The following POLN variants were observed in gnomAD, a reference collection of about 807,000 sequenced individuals.
POLN encodes the protein DNA polymerase nu.
POLN carries 108 observed loss-of-function variants against 113.5 expected under a neutral mutation model. The ratio of observed to expected loss-of-function variants is 0.95; its 90% CI spans 0.81 to 1.12. POLN has a LOEUF of 1.12. POLN is among the 50% of genes most tolerant of loss of function. The pLI, the probability that POLN is intolerant of heterozygous loss-of-function variation, is 0.00. For missense variants in POLN, 1,097 were observed against 1,077.1 expected, an observed-to-expected ratio of 1.02 and a Z score of -0.26; for synonymous variants, 386 against 391.5, an observed-to-expected ratio of 0.99 and a Z score of 0.17.
intron 19 of POLN, among the ~76,000 whole-genome samples, chr4:2,114,464 T>C (rs967082489): frequency 2.0e-5 from 3 of 152,218 alleles, no homozygotes; most frequent in Non-Finnish European, 2.9e-5. Flanking sequence ...TCTGAAAATG[T>C]ATCTTTTGCA....
At chr4:2,191,678 T>C (rs1733444359) in intron 7 of POLN, among the ~76,000 whole-genome samples, 1 of 152,182 alleles carries the variant, frequency 6.6e-6, no homozygotes, top group Admixed American at 6.5e-5. Context: ...TTGGTTATTT[T>C]GCTTGGGGGT....
At chr4:2,241,156 CACAG>C in intron 2 of POLN, 2 of 482,050 alleles carry the variant, frequency 4.1e-6, no homozygotes, top group Non-Finnish European at 7.2e-6. Context: ...AAAAAGAAGA[CACAG>C]ACAAATATCA....
chr4:2,238,658 G>C lies in POLN; in HGVS notation c.-13+2862C>G, dbSNP rs749753405. The C allele has an allele frequency of 1.3e-5, 21 of 1,612,408 alleles. No individual in the cohort carries two copies. The Admixed American group carries it at 2.7e-4, about 20-fold the overall frequency. ...GGTATTCCTTGGATTTATCTGTTGAGAAACTGATGGATCTGTTAACATTTC... is the reference window on the plus strand; with the variant it reads ...GGTATTCCTTGGATTTATCTGTTGACAAACTGATGGATCTGTTAACATTTC... On this transcript the variant is annotated intron_variant, in intron 2 of 25. Transcript: ENST00000511885.
At chr4:2,189,358 G>T (rs940021651) in intron 7 of POLN, among the ~76,000 whole-genome samples, 1 of 152,212 alleles carries the variant, frequency 6.6e-6, no homozygotes, top group Non-Finnish European at 1.5e-5. Flanking sequence ...CAATGTTACC[G>T]GCCAGGCACA....
chr4:2,200,319 A>G (rs1043949353), intron 5 of POLN, among the ~76,000 whole-genome samples: 39 of 152,216 alleles, frequency 2.6e-4, no homozygotes, highest in African/African-American at 9.4e-4. Flanking sequence ...GGCAGATGGG[A>G]GGCAGGACTA....
chr4:2,115,990 G>T (rs1260384413), intron 19 of POLN, among the ~76,000 whole-genome samples: 3 of 152,162 alleles, frequency 2.0e-5, no homozygotes, highest in African/African-American at 7.2e-5. Flanking sequence ...GGTTCACTTT[G>T]CCCTCTAGTC....
At chr4:2,195,788 T>C (rs551854369) in intron 6 of POLN, among the ~76,000 whole-genome samples, 1 of 152,130 alleles carries the variant, frequency 6.6e-6, no homozygotes, top group South Asian at 2.1e-4. Flanking sequence ...ACATGAAGGA[T>C]AAGGTAAACA....
chr4:2,163,204 T>C (rs1010541546), intron 13 of POLN, among the ~76,000 whole-genome samples: 2 of 152,150 alleles, frequency 1.3e-5, no homozygotes, highest in East Asian at 3.9e-4. Flanking sequence ...CATAAAACAT[T>C]AACAGTGGGC....
At chr4:2,173,510 CG>C (rs199514694) in intron 11 of POLN, among the ~76,000 whole-genome samples, 12,511 of 151,350 alleles carry the variant, frequency 0.083, 828 homozygotes, top group African/African-American at 0.17. Flanking sequence ...ATCTTTGCCC[CG>C]CCCCGCCACT....
rs376633760 is a variant in POLN, at chr4:2,085,759, G to A, written c.2066-15C>T. 1 of 1,612,782 alleles carries A rather than the reference G, an allele frequency of 6.2e-7. No individual in the cohort carries two copies. Among genetic ancestry groups the A allele is most frequent in the Non-Finnish European group, 8.5e-7 (1 of 1,180,002 alleles). ...CCGCTCCTTCCCTGTCAGTCAGAGA[G>A]ACGCATGTCAAAGCCTCACTCACAC... On this transcript the variant is annotated splice_polypyrimidine_tract_variant and intron_variant, in intron 20 of 25. Transcript: ENST00000511885.
intron 6 of POLN, among the ~76,000 whole-genome samples, chr4:2,194,457 C>T (rs76541357): frequency 3.3e-5 from 5 of 152,200 alleles, no homozygotes; most frequent in East Asian, 3.9e-4. Context: ...TTGAAAAGGG[C>T]GACCAGGATG....
At chr4:2,225,033 A>G (rs1224029794) in intron 3 of POLN, among the ~76,000 whole-genome samples, 1 of 152,222 alleles carries the variant, frequency 6.6e-6, no homozygotes, top group African/African-American at 2.4e-5. Flanking sequence ...TTTCAGCTCC[A>G]TTATAATCTT....
intron 16 of POLN, among the ~76,000 whole-genome samples, chr4:2,139,048 G>A (rs991576315): frequency 6.6e-6 from 1 of 152,238 alleles, no homozygotes; most frequent in East Asian, 1.9e-4. Context: ...TGCTCATGCA[G>A]TGGACTCCGA....
chr4:2,232,069 C>CT (rs754605480), intron 2 of POLN: 3 of 1,596,706 alleles, frequency 1.9e-6, no homozygotes, highest in Non-Finnish European at 2.6e-6. Context: ...CAAAGTTTTT[C>CT]TTTTTGTCTT....
In POLN at chr4:2,116,050, C is replaced by A. The variant is rs561281149; in HGVS notation, c.1982+12063G>T. ...CTTGATTTTTTTCCCTTCCAAAAGG[C>A]CTGGAGGAGTTTCTCCTGGTTTTTC... On this transcript the variant is annotated intron_variant, in intron 19 of 25. Coordinates refer to ENST00000511885, the MANE Select transcript of POLN (RefSeq NM_181808.4). Among the ~76,000 whole-genome samples the A allele has an allele frequency of 5.3e-5, 8 of 152,302 alleles. No individual in the cohort carries two copies. In the East Asian group the frequency reaches 1.2e-3, roughly 22 times the overall value.
At position 2,081,660 on chromosome 4, in the gene POLN, G is replaced by A. The variant is rs762214513; in HGVS notation, c.2281C>T (p.Arg761Ter). The change falls in exon 22 of 26, where the codon CGA becomes TGA. Residue 761 changes from arginine to a stop codon, truncating the protein, a stop_gained. Coordinates refer to ENST00000511885, the MANE Select transcript of POLN (RefSeq NM_181808.4). LOFTEE classifies it high-confidence loss of function. ...TGCACCACGAAGTTCACTGCCTGTC[G>A]CTCTGCTTGTGCCCGGAGTTGCTGG... ...HDQQLRAQAE[R>*]QAVNFVVQGS... is the part of the protein sequence containing the mutation. 20 of 1,614,214 alleles carry A rather than the reference G, an allele frequency of 1.2e-5. No individual in the cohort carries two copies. The highest frequency in any genetic ancestry group is 4.0e-5 in the African/African-American group (3 of 75,044).
At chr4:2,216,306 G>A (rs1219998283) in intron 3 of POLN, among the ~76,000 whole-genome samples, 11 of 152,240 alleles carry the variant, frequency 7.2e-5, no homozygotes, top group Admixed American at 7.2e-4. Context: ...AGAGGAGTGT[G>A]AGGGAGAAAT....
intron 7 of POLN, among the ~76,000 whole-genome samples, chr4:2,188,091 G>A (rs143451807): frequency 6.6e-6 from 1 of 152,142 alleles, no homozygotes. Flanking sequence ...ATTCCAGCCT[G>A]GGTGACAGAG....
chr4:2,147,637 TC>T (rs1181060987), intron 16 of POLN, among the ~76,000 whole-genome samples: 39,724 of 126,660 alleles, frequency 0.31, 8,269 homozygotes, highest in Non-Finnish European at 0.43. Context: ...ATCCAGTTTT[TC>T]TTTTCTTTTT....
Sources: gnomAD v4.1 joint callset for allele counts (sites outside exome capture counted in the v4.1 genomes callset) on GRCh38, gnomAD v4.1.1 for gene constraint, MANE v1.5 for transcripts, NCBI Gene and HGNC (gene_info 2026-07-23, HGNC 2026-07-21) for gene names.